The following NUP160 variants were observed in gnomAD, a reference collection of about 807,000 sequenced individuals.
The protein encoded by NUP160 is nucleoporin 160, also known as nuclear pore complex protein Nup160.
In NUP160, 94 loss-of-function variants were observed where a neutral mutation model predicts 196.9. The ratio of observed to expected loss-of-function variants is 0.48; its 90% CI spans 0.40 to 0.57. The LOEUF is 0.57. NUP160 is among the 20% of genes least tolerant of loss of function. The pLI is 0.00. For synonymous variants in NUP160, 605 were observed against 619.7 expected, an observed-to-expected ratio of 0.98 and a Z score of 0.35; for missense variants, 1,638 against 1,748.3, an observed-to-expected ratio of 0.94 and a Z score of 1.13.
intron 31 of NUP160, among the ~76,000 whole-genome samples, chr11:47,787,965 G>A (rs567986807): frequency 1.7e-4 from 26 of 152,018 alleles, no homozygotes; most frequent in East Asian, 5.8e-4. Context: ...CTCGTGATCC[G>A]CCCGCCTCGG....
intron 29 of NUP160, 76 bp downstream of exon 29, chr11:47,791,854 T>C: frequency 2.0e-6 from 2 of 985,500 alleles, no homozygotes; most frequent in Non-Finnish European, 1.6e-6. Context: ...TAACTACATA[T>C]TTCTATCATA....
chr11:47,811,884 C>T (rs550850852), intron 17 of NUP160, among the ~76,000 whole-genome samples, 180 bp downstream of exon 17: 2 of 152,248 alleles, frequency 1.3e-5, no homozygotes, highest in Non-Finnish European at 2.9e-5. Flanking sequence ...GATTACAATG[C>T]TTATTCATTC....
intron 7 of NUP160, among the ~76,000 whole-genome samples, chr11:47,832,776 C>A (rs1375605419): frequency 6.6e-6 from 1 of 152,196 alleles, no homozygotes. Flanking sequence ...TATTCCAATT[C>A]CTGTCTTGAT....
At position 47,792,960 on chromosome 11, in the gene NUP160, A is replaced by G; in HGVS notation, c.3290-14T>C. 1 of 1,600,310 alleles carries G rather than the reference A, an allele frequency of 6.2e-7. No homozygotes were observed. Among genetic ancestry groups the G allele is most frequent in the Non-Finnish European group, 8.5e-7 (1 of 1,176,138 alleles). On this transcript the variant is annotated splice_polypyrimidine_tract_variant and intron_variant, in intron 27 of 35. Transcript: ENST00000378460. The stretch of plus-strand genomic sequence containing the variant: ...TCACTGTGCCAGCTATGAGGAGATA[A>G]TAAATTAGACTTTAGAACTTCCAAA...
rs779620429 is a variant in NUP160 at position 47,848,345 on chromosome 11, CG to C, written c.75del (p.Val26LeufsTer23). The C allele has an allele frequency of 6.2e-7, 1 of 1,613,330 alleles. No individual in the cohort carries two copies. The highest frequency in any genetic ancestry group is 8.5e-7 in the Non-Finnish European group (1 of 1,179,750). On this transcript the variant is annotated frameshift_variant, in exon 1 of 36. Transcript: ENST00000378460. LOFTEE classifies it high-confidence loss of function. ...TTCCCGCCGTCGCCGCGACGCCCAA[CG>C]GAACAAAGGCAGGGCCGCGCGGTCG...
chr11:47,806,440 G>T, intron 19 of NUP160, 128 bp from the exon 20 acceptor site: 1 of 676,624 alleles, frequency 1.5e-6, no homozygotes, highest in Non-Finnish European at 2.5e-6. Flanking sequence ...ATGTATCACG[G>T]GTATATATCC....
exon 28 of NUP160, chr11:47,792,830 G>A (rs761175182): frequency 3.1e-6 from 5 of 1,614,074 alleles, no homozygotes; most frequent in Admixed American, 1.7e-5. Context: ...TATTCTGGAC[G>A]AATAAGTCGT....
chr11:47,788,089 G>A, intron 31 of NUP160, 93 bp downstream of exon 31: 1 of 1,012,120 alleles, frequency 9.9e-7, no homozygotes, highest in South Asian at 1.5e-5. Context: ...AATGATATAT[G>A]GGCTACTTGG....
chr11:47,815,319 G>A (rs987047289), intron 13 of NUP160, 160 bp downstream of exon 13: 4 of 434,654 alleles, frequency 9.2e-6, no homozygotes, highest in Non-Finnish European at 1.6e-5. Context: ...CACAATTTTA[G>A]GGGAAAAAAT....
At chr11:47,835,968 C>T (rs4752873) in intron 6 of NUP160, among the ~76,000 whole-genome samples, 159 bp from the exon 7 acceptor site, 41,986 of 152,056 alleles carry the variant, frequency 0.28, 6,805 homozygotes, top group Middle Eastern at 0.38. Flanking sequence ...TAACACAGGC[C>T]GGGCGCAGTG....
At chr11:47,805,111 A>AATAAATATT (rs1430519507) in intron 20 of NUP160, among the ~76,000 whole-genome samples, 1 of 151,248 alleles carries the variant, frequency 6.6e-6, no homozygotes, top group Non-Finnish European at 1.5e-5. Flanking sequence ...AGAGTCATTC[A>AATAAATATT]ATAAATATTT....
chr11:47,845,809 G>A (rs1852389802), intron 2 of NUP160, among the ~76,000 whole-genome samples: 1 of 151,436 alleles, frequency 6.6e-6, no homozygotes, highest in Non-Finnish European at 1.5e-5. Flanking sequence ...TAGTTAAGAT[G>A]AAAGGCACAC....
chr11:47,791,948 C>A lies in NUP160; in HGVS notation c.3493G>T (p.Glu1165Ter). Residue 1165 changes from glutamate to a stop codon, truncating the protein, a stop_gained, in exon 29 of 36, where the codon GAA (glutamate) becomes TAA (stop). Transcript: ENST00000378460. LOFTEE classifies it high-confidence loss of function. Reference sequence around the variant, plus strand: ...GACTCACTGGGGGCAGCTGTGCATTCTCCATCATGATTCCTCTTAGGGGAT... The same window carrying A: ...GACTCACTGGGGGCAGCTGTGCATTATCCATCATGATTCCTCTTAGGGGAT... 6.2e-7 allele frequency: 1 copy of A among 1,612,478 alleles called. No individual in the cohort carries two copies. The highest frequency in any genetic ancestry group is 8.5e-7 in the Non-Finnish European group (1 of 1,179,092).
intron 33 of NUP160, 130 bp downstream of exon 33, chr11:47,784,792 T>C: frequency 4.9e-6 from 3 of 609,144 alleles, no homozygotes. Flanking sequence ...TCCTCCCCTG[T>C]TGGCCTACCA....
At chr11:47,821,496 G>A in intron 9 of NUP160, 1 of 484,560 alleles carries the variant, frequency 2.1e-6, no homozygotes, top group Non-Finnish European at 3.7e-6. Context: ...CCGAGGAGCT[G>A]GGATTATAGG....
intron 7 of NUP160, among the ~76,000 whole-genome samples, chr11:47,823,451 T>C (rs1851903916): frequency 6.6e-6 from 1 of 152,176 alleles, no homozygotes; most frequent in South Asian, 2.1e-4. Flanking sequence ...TCATATATTA[T>C]TTGTGTTTTT....
At chr11:47,801,739 A>C in intron 23 of NUP160, 72 bp downstream of exon 23, 1 of 1,378,498 alleles carries the variant, frequency 7.3e-7, no homozygotes, top group Non-Finnish European at 9.9e-7. Context: ...TTTCTCCAAA[A>C]ATAGCAAAGC....
At chr11:47,819,206 G>A (rs1368035582) in intron 10 of NUP160, among the ~76,000 whole-genome samples, 168 bp downstream of exon 10, 1 of 151,880 alleles carries the variant, frequency 6.6e-6, no homozygotes, top group African/African-American at 2.4e-5. Context: ...CCAGCTACTC[G>A]GGAGGCTGAG....
chr11:47,841,842 C>A (rs1411216626), intron 2 of NUP160, among the ~76,000 whole-genome samples: 2 of 151,990 alleles, frequency 1.3e-5, no homozygotes, highest in Non-Finnish European at 2.9e-5. Flanking sequence ...TGTGCACCAC[C>A]ACACCTGGCT....
Sources: allele counts gnomAD v4.1 joint callset (sites outside exome capture counted in the v4.1 genomes callset), GRCh38; gene constraint gnomAD v4.1.1; transcripts MANE v1.5; gene names NCBI Gene and HGNC (gene_info 2026-07-23, HGNC 2026-07-21).